The following NUP210L variants were observed in gnomAD, a reference collection of about 807,000 sequenced individuals.
NUP210L encodes the protein nuclear pore membrane glycoprotein 210-like.
A neutral mutation model predicts 208.5 loss-of-function variants in NUP210L; 74 were observed. That is an observed-to-expected ratio of 0.35 (90% CI 0.29 to 0.43). The LOEUF is 0.43. NUP210L is among the 20% of genes least tolerant of loss of function. The pLI is 1.00. For missense variants in NUP210L, 1,843 were observed against 2,289.4 expected (o/e 0.81, Z 3.98); for synonymous variants, 780 against 816.9 (o/e 0.95, Z 0.77).
chr1:154,102,122 G>A (rs937977994), intron 13 of NUP210L, among the ~76,000 whole-genome samples: 5 of 152,248 alleles, frequency 3.3e-5, no homozygotes, highest in Middle Eastern at 3.4e-3. Flanking sequence ...CTGCACTCCA[G>A]CCTGGGTGAT....
At chr1:154,012,358 C>G (rs770859761) in exon 34 of NUP210L, 1 of 1,612,798 alleles carries the variant, frequency 6.2e-7, no homozygotes, top group South Asian at 1.1e-5. Context: ...CTTGATGATG[C>G]ATTGACCACC....
Position 154,010,065 on chromosome 1 carries a change from G to A in NUP210L, c.4837C>T (p.Leu1613Phe), listed in dbSNP as rs1210022138. ...CTGAACTGTACATGGCACAGCATGA[G>A]GGTCGCTGGAAGAAGTACTTTTGTA... is the stretch of plus-strand genomic sequence containing the variant. The change falls in exon 35 of 40, where the codon CTC (leucine) becomes TTC (phenylalanine). Residue 1613 changes from leucine to phenylalanine, a missense_variant. Leu to Phe is a conservative substitution (Grantham distance 22). This residue lies in a region of NUP210L where 781 missense variants were observed against 973.8 expected (regional missense o/e 0.80). Transcript: ENST00000368559. 6.8e-6 allele frequency: 11 copies of A among 1,613,916 alleles called. No homozygotes were observed. The South Asian group carries it at 1.1e-4, about 16-fold the overall frequency.
intron 28 of NUP210L, among the ~76,000 whole-genome samples, chr1:154,028,547 A>G (rs1157703751): frequency 6.6e-6 from 1 of 152,138 alleles, no homozygotes; most frequent in African/African-American, 2.4e-5. Context: ...AGATCATGCT[A>G]CTGCACTCCA....
At chr1:154,005,520 G>A (rs1322036756) in intron 35 of NUP210L, among the ~76,000 whole-genome samples, 1 of 151,722 alleles carries the variant, frequency 6.6e-6, no homozygotes, top group Non-Finnish European at 1.5e-5. Flanking sequence ...GAGCCACCGC[G>A]CCCAGTGTTT....
At chr1:154,050,212 T>C (rs967076213) in intron 25 of NUP210L, among the ~76,000 whole-genome samples, 6 of 152,214 alleles carry the variant, frequency 3.9e-5, no homozygotes, top group South Asian at 2.1e-4. Flanking sequence ...TAGGGATCAA[T>C]TGAAAACATT....
intron 12 of NUP210L, among the ~76,000 whole-genome samples, chr1:154,111,793 A>T (rs900788026): frequency 6.6e-6 from 1 of 151,696 alleles, no homozygotes; most frequent in Admixed American, 6.6e-5. Context: ...TGTGGCCAGT[A>T]TTACCCTGAT....
intron 29 of NUP210L, 62 bp from the exon 30 acceptor site, chr1:154,025,778 G>T (rs1051592070): frequency 6.8e-7 from 1 of 1,466,510 alleles, no homozygotes; most frequent in Admixed American, 2.0e-5. Flanking sequence ...AGAGAAAAGA[G>T]TAAAAATTTC....
intron 2 of NUP210L, among the ~76,000 whole-genome samples, chr1:154,152,104 A>AAG (rs1553244668): frequency 5.9e-4 from 71 of 119,890 alleles, no homozygotes; most frequent in African/African-American, 1.1e-3. Context: ...AAAAAAAAAA[A>AAG]AAAGAAAGAA....
At chr1:154,025,580 G>T in exon 30 of NUP210L, 1 of 1,613,400 alleles carries the variant, frequency 6.2e-7, no homozygotes, top group Non-Finnish European at 8.5e-7. Context: ...ACTCCAAAAG[G>T]TTCTATAGAA....
intron 17 of NUP210L, among the ~76,000 whole-genome samples, chr1:154,065,814 A>T (rs1654374932): frequency 6.7e-6 from 1 of 148,318 alleles, no homozygotes; most frequent in East Asian, 2.0e-4. Flanking sequence ...AATTGCTTGA[A>T]TCCCGAAGGC....
chr1:154,094,874 G>A lies in NUP210L; in HGVS notation c.2187+61C>T. 4.9e-6 allele frequency: 6 copies of A among 1,225,036 alleles called. No individual in the cohort carries two copies. In the South Asian group the frequency reaches 7.8e-5, roughly 16 times the overall value. The allele number at this position is 1,225,036 out of a possible 1,614,324, so 75.9% of individuals were successfully genotyped here. A position where few individuals can be genotyped will look rare whatever the true frequency, so the allele number is the denominator to read the frequency against. ...AGCAGAATCTGAAAAGGAATGGCTG[G>A]AAGTACAAAGGATTTGGAGTATTAC... On this transcript the variant is annotated intron_variant, in intron 15 of 39. Transcript: ENST00000368559.
intron 5 of NUP210L, 64 bp downstream of exon 5, chr1:154,139,738 A>C: frequency 7.7e-7 from 1 of 1,295,314 alleles, no homozygotes; most frequent in Non-Finnish European, 1.1e-6. Flanking sequence ...GTACCTGGGC[A>C]ACAGAGTTAG....
chr1:154,051,512 C>A (rs1182120036), intron 25 of NUP210L, among the ~76,000 whole-genome samples: 1 of 152,158 alleles, frequency 6.6e-6, no homozygotes. Flanking sequence ...CTGTGCCTGG[C>A]CGACACTTTC....
chr1:154,142,509 A>G (rs1658902348), intron 3 of NUP210L, among the ~76,000 whole-genome samples: 1 of 152,214 alleles, frequency 6.6e-6, no homozygotes, highest in African/African-American at 2.4e-5. Context: ...GATTGATCAA[A>G]CAGAGCTAGC....
intron 32 of NUP210L, among the ~76,000 whole-genome samples, chr1:154,020,475 C>T (rs1463490410): frequency 6.6e-6 from 1 of 152,118 alleles, no homozygotes; most frequent in East Asian, 1.9e-4. Context: ...CTCAGCCTCC[C>T]AATAGTTGGG....
intron 35 of NUP210L, among the ~76,000 whole-genome samples, chr1:154,007,153 G>A (rs575751149): frequency 2.9e-4 from 43 of 146,164 alleles, no homozygotes; most frequent in Admixed American, 2.6e-3. Context: ...AGTAAAGACG[G>A]AGTTTCACCA....
chr1:154,046,973 G>A (rs191702129), intron 25 of NUP210L, among the ~76,000 whole-genome samples: 18 of 152,188 alleles, frequency 1.2e-4, no homozygotes, highest in East Asian at 5.8e-4. Flanking sequence ...CAGGAGAGTC[G>A]TTTGAATCCG....
At chr1:154,039,327 G>A (rs1340834770) in intron 27 of NUP210L, among the ~76,000 whole-genome samples, 1 of 150,732 alleles carries the variant, frequency 6.6e-6, no homozygotes, top group African/African-American at 2.4e-5. Context: ...TCCGCCTCCC[G>A]AGTTCAAGCG....
chr1:154,155,056 G>C, exon 1 of NUP210L: 3 of 1,587,624 alleles, frequency 1.9e-6, no homozygotes, highest in Non-Finnish European at 2.6e-6. Flanking sequence ...GCGACTGCCA[G>C]GTCTCGGGTT....
Sources: gnomAD v4.1 joint callset for allele counts (sites outside exome capture counted in the v4.1 genomes callset) on GRCh38, gnomAD v4.1.1 for gene constraint, gnomAD v4.1.1 regional missense constraint, MANE v1.5 for transcripts, NCBI Gene and HGNC (gene_info 2026-07-23, HGNC 2026-07-21) for gene names.